Variants in PDZD2 observed in about 807,000 individuals in gnomAD.
PDZD2 encodes the protein PDZ domain containing 2.
In PDZD2, 90 loss-of-function variants were observed where a neutral mutation model predicts 220.7. The observed-to-expected ratio is 0.41, with a 90% CI of 0.34 to 0.49. The LOEUF (loss-of-function observed/expected upper bound fraction) is 0.49, where lower values mean the gene tolerates loss of function less well. Ranked by LOEUF, PDZD2 falls within the 20% of genes least tolerant of loss-of-function variation. The pLI is 0.28. For synonymous variants in PDZD2, 1,375 were observed against 1,450.5 expected, an observed-to-expected ratio of 0.95 and a Z score of 1.18; for missense variants, 3,174 against 3,608.5, an observed-to-expected ratio of 0.88 and a Z score of 3.08.
chr5:31,842,662 A>G (rs1228913816), intron 2 of PDZD2, among the ~76,000 whole-genome samples: 1 of 152,200 alleles, frequency 6.6e-6, no homozygotes, highest in Non-Finnish European at 1.5e-5. Flanking sequence ...AATAATATCT[A>G]TCATTCCTTC....
chr5:31,849,905 CATATATATATATACATATAT>C lies in PDZD2; in HGVS notation c.476+50189_476+50208del, dbSNP rs1561506917. Among the ~76,000 whole-genome samples, 10 of 22,076 alleles carry C rather than the reference CATATATATATATACATATAT, an allele frequency of 4.5e-4. 2 individuals carry two copies. The highest frequency in any genetic ancestry group is 1.8e-3 in the South Asian group (1 of 568). The allele number at this position is 22,076 out of a possible 152,430, so 14.5% of individuals were successfully genotyped here. On this transcript the variant is annotated intron_variant, in intron 2 of 24. Transcript: ENST00000438447. ...ATATATATACACATATATATATATA[CATATATATATATACATATAT>C]ATATATACACATATATATATATACA...
At chr5:32,072,113 T>G in intron 16 of PDZD2, 48 bp from the exon 17 acceptor site, 1 of 1,381,792 alleles carries the variant, frequency 7.2e-7, no homozygotes, top group Non-Finnish European at 1.0e-6. Flanking sequence ...CTTGAAAGTC[T>G]GCTTCTGCTG....
At chr5:31,907,918 A>C (rs1197286936) in intron 2 of PDZD2, among the ~76,000 whole-genome samples, 4 of 151,924 alleles carry the variant, frequency 2.6e-5, no homozygotes, top group Non-Finnish European at 4.4e-5. Context: ...CCCCGTCTTT[A>C]CTAAAAATAC....
chr5:31,701,329 C>T (rs770796141), intron 1 of PDZD2, among the ~76,000 whole-genome samples: 3 of 152,102 alleles, frequency 2.0e-5, no homozygotes, highest in Non-Finnish European at 4.4e-5. Context: ...CCTAAATAGC[C>T]GGGCTTCCAT....
chr5:31,867,661 A>T (rs1738353474), intron 2 of PDZD2, among the ~76,000 whole-genome samples: 1 of 152,198 alleles, frequency 6.6e-6, no homozygotes, highest in African/African-American at 2.4e-5. Flanking sequence ...ATTCAGATGG[A>T]CAAGAAAAAG....
intron 5 of PDZD2, among the ~76,000 whole-genome samples, chr5:32,003,433 A>G (rs1752537842): frequency 1.8e-5 from 1 of 56,776 alleles, no homozygotes; most frequent in African/African-American, 7.2e-5. Context: ...CCCCCCACAC[A>G]CACCCTACAC....
chr5:31,704,239 T>C (rs541815231), intron 1 of PDZD2, among the ~76,000 whole-genome samples: 7 of 152,144 alleles, frequency 4.6e-5, no homozygotes, highest in Non-Finnish European at 1.0e-4. Context: ...TTTCAAACTC[T>C]TGGGCTCAAG....
At chr5:32,049,259 G>A (rs1229802396) in intron 8 of PDZD2, among the ~76,000 whole-genome samples, 2 of 152,176 alleles carry the variant, frequency 1.3e-5, no homozygotes, top group Non-Finnish European at 2.9e-5. Context: ...CTCCATCTCA[G>A]CATCCTCAAC....
intron 1 of PDZD2, among the ~76,000 whole-genome samples, chr5:31,736,044 T>C (rs1749840951): frequency 6.6e-6 from 1 of 152,116 alleles, no homozygotes; most frequent in African/African-American, 2.4e-5. Context: ...TGGTCCTATC[T>C]GGGGGCAGAG....
At chr5:31,930,234 C>A (rs1423261944) in intron 2 of PDZD2, among the ~76,000 whole-genome samples, 1 of 132,242 alleles carries the variant, frequency 7.6e-6, no homozygotes, top group East Asian at 2.2e-4. Flanking sequence ...TGGAGACAGT[C>A]TCGCTCTGTC....
At chr5:31,915,517 C>T (rs2150373360) in intron 2 of PDZD2, among the ~76,000 whole-genome samples, 1 of 152,296 alleles carries the variant, frequency 6.6e-6, no homozygotes, top group South Asian at 2.1e-4. Context: ...TCCAGGAAAG[C>T]CCTGCTGTGT....
intron 1 of PDZD2, among the ~76,000 whole-genome samples, chr5:31,704,323 AT>A (rs1327249959): frequency 6.6e-6 from 1 of 152,124 alleles, no homozygotes; most frequent in Non-Finnish European, 1.5e-5. Flanking sequence ...AATACTGTTC[AT>A]TTCTAAGACA....
intron 14 of PDZD2, among the ~76,000 whole-genome samples, chr5:32,063,918 C>T (rs1739939770): frequency 6.6e-6 from 1 of 152,126 alleles, no homozygotes; most frequent in Admixed American, 6.6e-5. Flanking sequence ...AAGACAAGAC[C>T]CAATTTAAAG....
intron 10 of PDZD2, among the ~76,000 whole-genome samples, chr5:32,054,673 T>C (rs994379425): frequency 6.6e-6 from 1 of 152,164 alleles, no homozygotes; most frequent in African/African-American, 2.4e-5. Context: ...TTTTGCCATA[T>C]GCGAATATAC....
At chr5:31,912,115 A>C (rs1420464034) in intron 2 of PDZD2, among the ~76,000 whole-genome samples, 13 of 152,120 alleles carry the variant, frequency 8.5e-5, no homozygotes, top group African/African-American at 2.9e-4. Flanking sequence ...CATTTGGTCT[A>C]CTATAACAAA....
At chr5:32,011,207 G>A (rs922430023) in intron 6 of PDZD2, among the ~76,000 whole-genome samples, 4 of 151,968 alleles carry the variant, frequency 2.6e-5, no homozygotes, top group Non-Finnish European at 5.9e-5. Flanking sequence ...AACACAAAAA[G>A]GCTAGGTGCT....
chr5:31,809,426 T>G (rs954798993), intron 2 of PDZD2, among the ~76,000 whole-genome samples: 1 of 152,234 alleles, frequency 6.6e-6, no homozygotes, highest in Non-Finnish European at 1.5e-5. Context: ...GACTGGTGTT[T>G]TTTCCTGTGG....
chr5:31,914,030 A>C (rs542833514), intron 2 of PDZD2, among the ~76,000 whole-genome samples: 37 of 152,208 alleles, frequency 2.4e-4, no homozygotes, highest in African/African-American at 8.4e-4. Flanking sequence ...AGTGTCTGTA[A>C]CTCTTCAGTG....
intron 2 of PDZD2, among the ~76,000 whole-genome samples, chr5:31,979,297 T>G (rs2111843582): frequency 6.6e-6 from 1 of 152,014 alleles, no homozygotes; most frequent in African/African-American, 2.4e-5. Context: ...TGGCCAAGAG[T>G]GGTAGCTCAC....
Sources: allele counts gnomAD v4.1 joint callset (sites outside exome capture counted in the v4.1 genomes callset), GRCh38; gene constraint gnomAD v4.1.1; transcripts MANE v1.5; gene names NCBI Gene and HGNC (gene_info 2026-07-23, HGNC 2026-07-21).